CTNNBL1: variants seen among roughly 807,000 people sequenced by gnomAD.
CTNNBL1 encodes beta-catenin-like protein 1.
A neutral mutation model predicts 72.7 loss-of-function variants in CTNNBL1; 31 were observed. That is an observed-to-expected ratio of 0.43 (90% CI 0.32 to 0.58). CTNNBL1 has a LOEUF of 0.58. Among genes scored for constraint, CTNNBL1 ranks in the 20% least tolerant of loss-of-function variants. The probability of loss-of-function intolerance (pLI) is 0.08; values close to 1 mark genes in which losing one functional copy is unlikely to be tolerated. For missense variants in CTNNBL1, 534 were observed against 725.1 expected, an observed-to-expected ratio of 0.74 and a Z score of 3.03; for synonymous variants, 240 against 267.3, an observed-to-expected ratio of 0.90 and a Z score of 1.00.
At chr20:37,826,355 C>T (rs2072159731) in intron 11 of CTNNBL1, among the ~76,000 whole-genome samples, 1 of 152,196 alleles carries the variant, frequency 6.6e-6, no homozygotes, top group Admixed American at 6.5e-5. Context: ...AGTGAGTTAA[C>T]CAAAGGCAAC....
intron 1 of CTNNBL1, among the ~76,000 whole-genome samples, chr20:37,708,377 GC>G (rs2122554108): frequency 6.6e-6 from 1 of 152,128 alleles, no homozygotes; most frequent in Non-Finnish European, 1.5e-5. Flanking sequence ...TTGGCATGTT[GC>G]CCAGTCTGGT....
At chr20:37,704,479 C>T (rs2122546919) in intron 1 of CTNNBL1, among the ~76,000 whole-genome samples, 1 of 151,974 alleles carries the variant, frequency 6.6e-6, no homozygotes, top group South Asian at 2.1e-4. Flanking sequence ...CTTTGGGAGG[C>T]TGAGGTGGGA....
chr20:37,817,931 A>G (rs1336179656), intron 11 of CTNNBL1, among the ~76,000 whole-genome samples: 1 of 152,184 alleles, frequency 6.6e-6, no homozygotes, highest in Admixed American at 6.5e-5. Context: ...GGAAATATCT[A>G]TTCCTAGCAT....
chr20:37,866,413 G>A (rs920016609), intron 15 of CTNNBL1, among the ~76,000 whole-genome samples: 1 of 152,218 alleles, frequency 6.6e-6, no homozygotes, highest in Non-Finnish European at 1.5e-5. Context: ...TCGCTTTCTA[G>A]TGTCTGACCT....
chr20:37,775,539 G>A (rs1376706164), intron 7 of CTNNBL1, among the ~76,000 whole-genome samples: 2 of 152,200 alleles, frequency 1.3e-5, no homozygotes, highest in Admixed American at 6.5e-5. Flanking sequence ...GCAGATTTGA[G>A]TCAACCTTAG....
At chr20:37,803,073 CT>C (rs2073836364) in intron 11 of CTNNBL1, 25 bp downstream of exon 11, 8 of 1,601,554 alleles carry the variant, frequency 5.0e-6, no homozygotes, top group Non-Finnish European at 6.8e-6. Flanking sequence ...AGGAGTCAGC[CT>C]AATTTAGGTG....
At chr20:37,815,332 T>TC (rs1486916391) in intron 11 of CTNNBL1, among the ~76,000 whole-genome samples, 8 of 150,280 alleles carry the variant, frequency 5.3e-5, no homozygotes, top group Non-Finnish European at 8.9e-5. Flanking sequence ...TTTTTTTTTT[T>TC]CTGAGATGGA....
chr20:37,857,548 C>T (rs749071485), intron 13 of CTNNBL1, among the ~76,000 whole-genome samples: 1 of 152,038 alleles, frequency 6.6e-6, no homozygotes, highest in South Asian at 2.1e-4. Flanking sequence ...TCATAGGAGC[C>T]GAGATGAAAA....
intron 10 of CTNNBL1, among the ~76,000 whole-genome samples, chr20:37,793,368 G>T (rs2073743266): frequency 6.6e-6 from 1 of 152,066 alleles, no homozygotes; most frequent in Admixed American, 6.5e-5. Flanking sequence ...TTATTATTAT[G>T]AAAATAACTT....
At chr20:37,864,185 A>ACCC (rs1204455852) in intron 15 of CTNNBL1, among the ~76,000 whole-genome samples, 2 of 148,112 alleles carry the variant, frequency 1.4e-5, no homozygotes, top group African/African-American at 5.3e-5. Flanking sequence ...TCCTTTTCAT[A>ACCC]CCACGCCCCC....
chr20:37,793,595 A>G (rs1330269718), intron 10 of CTNNBL1, among the ~76,000 whole-genome samples: 1 of 152,164 alleles, frequency 6.6e-6, no homozygotes, highest in Non-Finnish European at 1.5e-5. Flanking sequence ...TAAGAGTGGG[A>G]CCCTAATCCA....
At chr20:37,772,335 G>A (rs1011933330) in intron 7 of CTNNBL1, among the ~76,000 whole-genome samples, 1 of 152,044 alleles carries the variant, frequency 6.6e-6, no homozygotes, top group Non-Finnish European at 1.5e-5. Flanking sequence ...GGTAGTCTGT[G>A]TTTGTTGCTG....
chr20:37,716,326 G>C (rs1399140286), intron 1 of CTNNBL1, among the ~76,000 whole-genome samples: 1 of 152,088 alleles, frequency 6.6e-6, no homozygotes, highest in Non-Finnish European at 1.5e-5. Context: ...GTGATGGTGT[G>C]GATAGAGCTT....
intron 12 of CTNNBL1, among the ~76,000 whole-genome samples, chr20:37,841,909 C>G (rs111739958): frequency 1.1e-4 from 17 of 152,134 alleles, no homozygotes; most frequent in African/African-American, 4.1e-4. Flanking sequence ...AAGATCAGCT[C>G]TGGGGCAGAA....
At chr20:37,849,174 G>A (rs933523002) in intron 13 of CTNNBL1, among the ~76,000 whole-genome samples, 3 of 152,120 alleles carry the variant, frequency 2.0e-5, no homozygotes, top group Admixed American at 1.3e-4. Context: ...TCTTCCATTA[G>A]TGCAGCACCC....
intron 13 of CTNNBL1, among the ~76,000 whole-genome samples, chr20:37,856,215 G>T (rs1167657079): frequency 1.8e-5 from 2 of 108,964 alleles, no homozygotes; most frequent in African/African-American, 6.7e-5. Flanking sequence ...AAAAAAAAAA[G>T]AGCCTACTAA....
chr20:37,703,672 A>T (rs1471833799), intron 1 of CTNNBL1, among the ~76,000 whole-genome samples: 1 of 151,956 alleles, frequency 6.6e-6, no homozygotes, highest in Non-Finnish European at 1.5e-5. Context: ...GCCTATCCCC[A>T]TGGCCAGCTT....
At chr20:37,853,077 G>T (rs1280401247) in intron 13 of CTNNBL1, among the ~76,000 whole-genome samples, 1 of 152,206 alleles carries the variant, frequency 6.6e-6, no homozygotes, top group Admixed American at 6.5e-5. Context: ...AAGGAGGCAA[G>T]GGGAAGCTGG....
chr20:37,736,739 CT>C (rs560662171), intron 2 of CTNNBL1, among the ~76,000 whole-genome samples: 121 of 152,046 alleles, frequency 8.0e-4, no homozygotes, highest in Admixed American at 1.9e-3. Flanking sequence ...CCAGGCTGGT[CT>C]TGAACTCCTG....
Sources: allele counts gnomAD v4.1 joint callset (sites outside exome capture counted in the v4.1 genomes callset), GRCh38; gene constraint gnomAD v4.1.1; transcripts MANE v1.5; gene names NCBI Gene and HGNC (gene_info 2026-07-23, HGNC 2026-07-21).